The following LRFN2 variants were observed in gnomAD, a reference collection of about 807,000 sequenced individuals.
LRFN2 encodes leucine rich repeat and fibronectin type III domain containing 2.
Under a neutral mutation model 37.3 loss-of-function variants are expected in LRFN2, and 18 were observed. The observed-to-expected ratio is 0.48, with a 90% CI of 0.33 to 0.72. The LOEUF is 0.72. Among genes scored for constraint, LRFN2 ranks in the 30% least tolerant of loss-of-function variants. LRFN2 has a pLI of 0.02. For missense variants in LRFN2, 1,006 were observed against 1,060.7 expected, an observed-to-expected ratio of 0.95 and a Z score of 0.72; for synonymous variants, 556 against 466.6, an observed-to-expected ratio of 1.19 and a Z score of -2.47.
chr6:40,558,005 G>T (rs1012817397), intron 1 of LRFN2, among the ~76,000 whole-genome samples: 1 of 152,178 alleles, frequency 6.6e-6, no homozygotes, highest in Non-Finnish European at 1.5e-5. Context: ...TTGTCCACTT[G>T]CCTGAAAGAA....
intron 1 of LRFN2, among the ~76,000 whole-genome samples, chr6:40,435,044 TATATATATAGAGAG>T (rs1477606550): frequency 5.8e-4 from 51 of 88,628 alleles, no homozygotes; most frequent in East Asian, 2.8e-3. Flanking sequence ...TATATATATA[TATATATATAGAGAG>T]AGAGAGAGAG....
chr6:40,405,210 G>A (rs540511526), intron 2 of LRFN2, among the ~76,000 whole-genome samples: 33 of 152,178 alleles, frequency 2.2e-4, no homozygotes, highest in South Asian at 4.1e-4. Flanking sequence ...CAATAACAAT[G>A]ATAGATGTCA....
chr6:40,541,731 G>A (rs1255203116), intron 1 of LRFN2, among the ~76,000 whole-genome samples: 1 of 152,216 alleles, frequency 6.6e-6, no homozygotes, highest in Non-Finnish European at 1.5e-5. Context: ...GCTGCCGCCC[G>A]TGGGAATGTT....
chr6:40,503,542 C>T (rs1765446863), intron 1 of LRFN2, among the ~76,000 whole-genome samples: 1 of 152,134 alleles, frequency 6.6e-6, no homozygotes, highest in Admixed American at 6.5e-5. Context: ...TTAAGACATC[C>T]AAGAAGAGAT....
intron 1 of LRFN2, among the ~76,000 whole-genome samples, chr6:40,520,582 A>G (rs541603807): frequency 1.3e-5 from 2 of 152,244 alleles, no homozygotes; most frequent in East Asian, 3.9e-4. Context: ...TATAACTCCC[A>G]TCCTCATCGG....
intron 1 of LRFN2, among the ~76,000 whole-genome samples, chr6:40,463,575 C>A (rs1026857782): frequency 6.6e-6 from 1 of 152,120 alleles, no homozygotes; most frequent in African/African-American, 2.4e-5. Flanking sequence ...GAATCTCTAC[C>A]CTTCTCTGCC....
intron 1 of LRFN2, 115 bp from the exon 2 acceptor site, chr6:40,433,246 G>C: frequency 1.3e-6 from 1 of 798,632 alleles, no homozygotes; most frequent in Non-Finnish European, 1.9e-6. Context: ...AGAATGGCAA[G>C]TGCTCAAGCA....
chr6:40,577,096 T>TCTCTC (rs1561913878), intron 1 of LRFN2, among the ~76,000 whole-genome samples: 1 of 137,598 alleles, frequency 7.3e-6, no homozygotes, highest in Non-Finnish European at 1.6e-5. Flanking sequence ...TTCTTTTCTT[T>TCTCTC]TCTTTTCCTT....
intron 1 of LRFN2, among the ~76,000 whole-genome samples, chr6:40,533,628 G>A (rs1268428940): frequency 6.6e-6 from 1 of 152,178 alleles, no homozygotes; most frequent in Admixed American, 6.5e-5. Flanking sequence ...GGGAAGCAGA[G>A]GCCAGAACAT....
chr6:40,432,874 G>T lies in LRFN2; in HGVS notation c.240C>A (p.Asp80Glu). ...TGATGGTGTTCCTGGACAGGGTCAG[G>T]TCCACCAGCCCCGTCATGTTGGCAA... ...QDFANMTGLV[D>E]LTLSRNTISH... The change falls in exon 2 of 3, where the codon GAC becomes GAA. Residue 80 changes from aspartate (D) to glutamate (E), a missense_variant. Physicochemically the swap from Asp to Glu is conservative, Grantham distance 45. This residue lies in a region of LRFN2 where 185 missense variants were observed against 254.9 expected (regional missense o/e 0.73). Coordinates refer to ENST00000338305, the MANE Select transcript of LRFN2 (RefSeq NM_020737.3). 1 of 1,614,262 alleles carries T rather than the reference G, an allele frequency of 6.2e-7. No homozygotes were observed.
At chr6:40,506,523 T>C (rs1303150319) in intron 1 of LRFN2, among the ~76,000 whole-genome samples, 1 of 152,212 alleles carries the variant, frequency 6.6e-6, no homozygotes, top group Non-Finnish European at 1.5e-5. Context: ...TCTCCAGTCT[T>C]AACTGCTACT....
At chr6:40,578,174 A>T (rs145207965) in intron 1 of LRFN2, among the ~76,000 whole-genome samples, 110 of 152,322 alleles carry the variant, frequency 7.2e-4, no homozygotes, top group African/African-American at 2.4e-3. Context: ...GGTGCTGTGT[A>T]GAGGGCAGCC....
intron 1 of LRFN2, among the ~76,000 whole-genome samples, chr6:40,488,342 C>T (rs974734590): frequency 2.6e-5 from 4 of 151,954 alleles, no homozygotes; most frequent in African/African-American, 7.3e-5. Context: ...TGCCTGGCCC[C>T]CCAACCCCCA....
At chr6:40,519,960 T>C (rs1766005212) in intron 1 of LRFN2, among the ~76,000 whole-genome samples, 1 of 152,172 alleles carries the variant, frequency 6.6e-6, no homozygotes, top group African/African-American at 2.4e-5. Flanking sequence ...TGGAAGGGCA[T>C]TTCAGGCAGA....
At chr6:40,555,966 CAAG>C (rs986325067) in intron 1 of LRFN2, among the ~76,000 whole-genome samples, 1 of 149,934 alleles carries the variant, frequency 6.7e-6, no homozygotes, top group African/African-American at 2.5e-5. Flanking sequence ...TCCTGAAGAA[CAAG>C]AGGCGTAATG....
chr6:40,467,679 C>T (rs755498569), intron 1 of LRFN2, among the ~76,000 whole-genome samples: 33 of 152,300 alleles, frequency 2.2e-4, no homozygotes, highest in East Asian at 1.9e-4. Context: ...ACCAGCTGTT[C>T]TCTCTTTGAC....
At position 40,539,455 on chromosome 6, in the gene LRFN2, C is replaced by A. The variant is rs114487135; in HGVS notation, c.-19+47486G>T. On this transcript the variant is annotated intron_variant, in intron 1 of 2. Transcript: ENST00000338305. ...TGATGGGGAAAACATCCACTCTCAGCAGCCTTGGGAAGCTTCCAGGTTCAA... is the reference window on the plus strand; with the variant it reads ...TGATGGGGAAAACATCCACTCTCAGAAGCCTTGGGAAGCTTCCAGGTTCAA... Among the ~76,000 whole-genome samples the A allele has an allele frequency of 5.5e-3, 840 of 152,358 alleles. 11 individuals are homozygous for A. The highest frequency in any genetic ancestry group is 0.019 in the African/African-American group (803 of 41,588).
chr6:40,429,256 A>G (rs1294721548), intron 2 of LRFN2, among the ~76,000 whole-genome samples: 2 of 152,224 alleles, frequency 1.3e-5, no homozygotes, highest in African/African-American at 2.4e-5. Flanking sequence ...GTCTACCCCA[A>G]GCCCTGTCCT....
At chr6:40,400,580 C>G (rs1301267706) in intron 2 of LRFN2, among the ~76,000 whole-genome samples, 1 of 151,576 alleles carries the variant, frequency 6.6e-6, no homozygotes, top group African/African-American at 2.4e-5. Context: ...ACCACCATAC[C>G]TGGCTAATTT....
Sources: allele counts gnomAD v4.1 joint callset (sites outside exome capture counted in the v4.1 genomes callset), GRCh38; gene constraint gnomAD v4.1.1; regional missense constraint gnomAD v4.1.1; transcripts MANE v1.5; gene names NCBI Gene and HGNC (gene_info 2026-07-23, HGNC 2026-07-21).